The following NOC2L variants were observed in gnomAD, a reference collection of about 807,000 sequenced individuals.
NOC2L encodes nucleolar complex protein 2 homolog.
A neutral mutation model predicts 94.2 loss-of-function variants in NOC2L; 101 were observed. That is an observed-to-expected ratio of 1.07 (90% CI 0.91 to 1.26). The LOEUF is 1.26. Ranked by LOEUF, NOC2L falls within the 50% of genes most tolerant of loss-of-function variation. The pLI, the probability that NOC2L is intolerant of heterozygous loss-of-function variation, is 0.00. For missense variants in NOC2L, 1,076 were observed against 980.1 expected (o/e 1.10, Z -1.31); for synonymous variants, 531 against 413.4 (o/e 1.28, Z -3.45).
rs554926926 is a variant in NOC2L, at chr1:959,205, C to G, written c.26+10G>C. 1.2e-6 allele frequency: 2 copies of G among 1,610,118 alleles called. No individual in the cohort carries two copies. Among genetic ancestry groups the G allele is most frequent in the African/African-American group, 2.7e-5 (2 of 74,882 alleles). ...GGGAGGCCAAATCGGCCCTCGGACC[C>G]GCGGCTTACCTCTTGCGGCTCCCCG... On this transcript the variant is annotated intron_variant, in intron 1 of 18. Coordinates refer to ENST00000327044, the MANE Select transcript of NOC2L (RefSeq NM_015658.4).
intron 4 of NOC2L, 21 bp downstream of exon 4, chr1:956,873 C>T (rs1164264953): frequency 6.2e-7 from 1 of 1,612,572 alleles, no homozygotes; most frequent in Non-Finnish European, 8.5e-7. Context: ...ACCCAGCTGC[C>T]CGCCCCTGGC....
rs377366143 is a variant in NOC2L, at chr1:953,730, G to A, written c.888+52C>T. 227 of 1,338,330 alleles carry A rather than the reference G, an allele frequency of 1.7e-4. 2 individuals are homozygous for A. The East Asian group carries it at 4.2e-3, about 25-fold the overall frequency. The allele number at this position is 1,338,330 out of a possible 1,614,324, so 82.9% of individuals were successfully genotyped here. On this transcript the variant is annotated intron_variant, in intron 8 of 18. Coordinates refer to ENST00000327044, the MANE Select transcript of NOC2L (RefSeq NM_015658.4). The stretch of plus-strand genomic sequence containing the variant: ...GGAGTGGGATGTGGTGGGGGTAGCC[G>A]TGTGGCCCCCCGACCCCATGACAGA...
At chr1:946,333 C>G (rs1642112824) in intron 15 of NOC2L, 47 bp from the exon 16 acceptor site, 2 of 1,611,564 alleles carry the variant, frequency 1.2e-6, no homozygotes, top group Admixed American at 1.7e-5. Context: ...CTGGGCAAAC[C>G]CCCACATGTA....
In NOC2L at chr1:957,183, A is replaced by G. The variant is rs2100397632; in HGVS notation, c.270T>C (p.Asn90=). Residue 90 remains asparagine (N), a synonymous_variant, in exon 3 of 19, where the codon AAT becomes AAC. Coordinates refer to ENST00000327044, the MANE Select transcript of NOC2L (RefSeq NM_015658.4). The part of the protein sequence containing the change: ...DPEFYKFLQE[N]DQSLLNFSDS... Reference sequence around the variant, plus strand: ...CGCTGAAGTTTAGCAGGCTCTGGTCATTCTCCTGCAGGAACTTGTAGAACT... The same window carrying G: ...CGCTGAAGTTTAGCAGGCTCTGGTCGTTCTCCTGCAGGAACTTGTAGAACT... 6.2e-7 allele frequency: 1 copy of G among 1,614,056 alleles called. No individual in the cohort carries two copies. Among genetic ancestry groups the G allele is most frequent in the Middle Eastern group, 1.7e-4 (1 of 6,050 alleles).
At position 953,776 on chromosome 1, in the gene NOC2L, A is replaced by AGC; in HGVS notation, c.888+5_888+6insGC. 1 of 1,603,616 alleles carries AGC rather than the reference A, an allele frequency of 6.2e-7. No individual in the cohort carries two copies. The highest frequency in any genetic ancestry group is 8.5e-7 in the Non-Finnish European group (1 of 1,172,716). On this transcript the variant is annotated splice_donor_region_variant and intron_variant, in intron 8 of 18. Transcript: ENST00000327044. The stretch of plus-strand genomic sequence containing the variant: ...ACAGACACAGGGAGGGGACTGGGCC[A>AGC]CGAACCTTGAGCAGCATGCGGCACT...
chr1:952,122 C>T lies in NOC2L; in HGVS notation c.1209G>A (p.Val403=), dbSNP rs1642276176. ...GGCAGTGCACATACTGCCAGTTGTA[C>T]ACAGACTGGTATGTTTCCTGGTCAG... ...TTRKKETYQS[V]YNWQYVHCLF... The change falls in exon 11 of 19, where the codon GTG becomes GTA. Residue 403 remains valine, a synonymous_variant. Coordinates refer to ENST00000327044, the MANE Select transcript of NOC2L (RefSeq NM_015658.4). The T allele has an allele frequency of 9.3e-6, 15 of 1,613,650 alleles. No individual in the cohort carries two copies. Among genetic ancestry groups the T allele is most frequent in the Non-Finnish European group, 1.3e-5 (15 of 1,179,998 alleles).
intron 4 of NOC2L, among the ~76,000 whole-genome samples, 173 bp from the exon 5 acceptor site, chr1:956,388 T>A (rs1642401880): frequency 6.6e-6 from 1 of 151,910 alleles, no homozygotes; most frequent in African/African-American, 2.4e-5. Flanking sequence ...AAGTCTAGAA[T>A]TCTCTGGGAA....
rs1557620573 is a variant in NOC2L, at chr1:953,169, C to G, written c.1002+6G>C. The G allele has an allele frequency of 6.2e-7, 1 of 1,600,676 alleles. No individual in the cohort carries two copies. Among genetic ancestry groups the G allele is most frequent in the African/African-American group, 1.3e-5 (1 of 74,844 alleles). On this transcript the variant is annotated splice_donor_region_variant and intron_variant, in intron 9 of 18. Coordinates refer to ENST00000327044, the MANE Select transcript of NOC2L (RefSeq NM_015658.4). ...TGAGGGACACAGACGCAGGGCCCAC[C>G]ACTACCTTGAGGACGGGGCCAAGGA...
chr1:957,584 T>A (rs1486146979), intron 2 of NOC2L: 2 of 348,936 alleles, frequency 5.7e-6, no homozygotes, highest in African/African-American at 2.0e-5. Flanking sequence ...TTTTGCCTGA[T>A]GGTGGCTTCA....
At chr1:957,951 T>C (rs959148388) in intron 2 of NOC2L, 2 of 152,922 alleles carry the variant, frequency 1.3e-5, no homozygotes, top group African/African-American at 4.8e-5. Flanking sequence ...TGCAAGGCTT[T>C]TGCTGTTTTC....
intron 10 of NOC2L, 45 bp downstream of exon 10, chr1:952,367 C>A: frequency 6.2e-7 from 1 of 1,601,914 alleles, no homozygotes; most frequent in Non-Finnish European, 8.5e-7. Context: ...CCTGGGCTGC[C>A]CCACCCCATG....
chr1:948,728 T>TCCCTTTGGC (rs1553161197), intron 12 of NOC2L, 125 bp from the exon 13 acceptor site: 558 of 665,712 alleles, frequency 8.4e-4, no homozygotes, highest in South Asian at 9.9e-4. Flanking sequence ...GTCACCCTGG[T>TCCCTTTGGC]CCTCAGGCTT....
intron 2 of NOC2L, 57 bp from the exon 3 acceptor site, chr1:957,330 G>A: frequency 3.2e-6 from 5 of 1,545,980 alleles, no homozygotes; most frequent in Non-Finnish European, 3.6e-6. Flanking sequence ...GGGGCGGGGA[G>A]TGGCCTACAG....
rs201536168 is a variant in NOC2L at position 951,172 on chromosome 1, C to T, written c.1398G>A (p.Ser466=). 102 of 1,596,210 alleles carry T rather than the reference C, an allele frequency of 6.4e-5. No homozygotes were observed. The highest frequency in any genetic ancestry group is 5.0e-4 in the Admixed American group (29 of 57,802). The change falls in exon 12 of 19, where the codon TCG becomes TCA. Residue 466 remains serine (S), a synonymous_variant. Coordinates refer to ENST00000327044, the MANE Select transcript of NOC2L (RefSeq NM_015658.4). ...CCGGGATGAAGGCCCCCGAGCTCCC[C>T]GAGAGCAGCGTCAGGGCACGGATGC... ...MHCIRALTLL[S]GSSGAFIPVL... is the part of the protein sequence containing the mutation.
At position 952,557 on chromosome 1, in the gene NOC2L, G is replaced by C; in HGVS notation, c.1046C>G (p.Pro349Arg). 6.2e-7 allele frequency: 1 copy of C among 1,613,924 alleles called. No individual in the cohort carries two copies. Among genetic ancestry groups the C allele is most frequent in the Non-Finnish European group, 8.5e-7 (1 of 1,180,026 alleles). Residue 349 changes from proline (P) to arginine (R), a missense_variant, in exon 10 of 19, where the codon CCT (proline) becomes CGT (arginine). Pro to Arg is a moderately radical substitution (Grantham distance 103). This residue lies in a region of NOC2L where 615 missense variants were observed against 577.4 expected (regional missense o/e 1.07). Transcript: ENST00000327044. ...TYVRNCKFTS[P>R]GALPFISFMQ... ...GAAACTGATGAAGGGGAGGGCACCA[G>C]GCGAGGTGAACTTGCAGTTCCTCAC... is the stretch of plus-strand genomic sequence containing the variant.
rs1349952457 is a variant in NOC2L, at chr1:953,860, C to G, written c.810G>C (p.Leu270Phe). The G allele has an allele frequency of 1.2e-6, 2 of 1,613,192 alleles. No homozygotes were observed. The highest frequency in any genetic ancestry group is 1.7e-6 in the Non-Finnish European group (2 of 1,180,016). The change falls in exon 8 of 19, where the codon TTG becomes TTC. Residue 270 changes from leucine (L) to phenylalanine (F), a missense_variant. Leu to Phe is a conservative substitution (Grantham distance 22). Coordinates refer to ENST00000327044, the MANE Select transcript of NOC2L (RefSeq NM_015658.4). Reference sequence around the variant, plus strand: ...CGCTGATGTGCCGCAGCACGGCCGCCAACACCGTCGTCTCCGACAGACAGG... The same window carrying G: ...CGCTGATGTGCCGCAGCACGGCCGCGAACACCGTCGTCTCCGACAGACAGG... ...LVSCLSETTV[L>F]AAVLRHISVL...
At chr1:951,275 C>A (rs926526684) in intron 11 of NOC2L, 37 bp from the exon 12 acceptor site, 2 of 1,468,456 alleles carry the variant, frequency 1.4e-6, no homozygotes, top group Non-Finnish European at 9.3e-7. Context: ...GAGGCCCCGG[C>A]TCTGGCAGCC....
intron 12 of NOC2L, among the ~76,000 whole-genome samples, chr1:949,070 G>A (rs1255410270): frequency 2.9e-5 from 4 of 136,268 alleles, no homozygotes; most frequent in Admixed American, 2.2e-4. Context: ...CCAGACACAG[G>A]ACGGGACAGA....
rs749777544 is a variant in NOC2L at position 944,789 on chromosome 1, C to G, written c.2155G>C (p.Asp719His). Reference protein sequence around the residue: ...DSSNSEDGDPDAEAGLAPGEL... With the variant: ...DSSNSEDGDPHAEAGLAPGEL... ...CCAGGGGCCAGCCCCGCCTCTGCGT[C>G]TGGGTCTCCATCTGCGGGGAGAGAT... The change falls in exon 19 of 19, where the codon GAC becomes CAC. Residue 719 changes from aspartate to histidine, a missense_variant. This residue lies in a region of NOC2L where 615 missense variants were observed against 577.4 expected (regional missense o/e 1.07). Coordinates refer to ENST00000327044, the MANE Select transcript of NOC2L (RefSeq NM_015658.4). The G allele has an allele frequency of 1.3e-6, 2 of 1,590,718 alleles. No individual in the cohort carries two copies. The highest frequency in any genetic ancestry group is 4.5e-5 in the East Asian group (2 of 44,642).
Sources: gnomAD v4.1 joint callset for allele counts (sites outside exome capture counted in the v4.1 genomes callset) on GRCh38, gnomAD v4.1.1 for gene constraint, gnomAD v4.1.1 regional missense constraint, MANE v1.5 for transcripts, NCBI Gene and HGNC (gene_info 2026-07-23, HGNC 2026-07-21) for gene names.